Variants in PAXBP1 observed in about 807,000 individuals in gnomAD.
The protein encoded by PAXBP1 is PAX3 and PAX7 binding protein 1, also known as PAX3- and PAX7-binding protein 1.
A neutral mutation model predicts 119.9 loss-of-function variants in PAXBP1; 44 were observed. The observed-to-expected ratio is 0.37, with a 90% CI of 0.29 to 0.47. The LOEUF is 0.47. Among genes scored for constraint, PAXBP1 ranks in the 20% least tolerant of loss-of-function variants. The pLI, the probability that PAXBP1 is intolerant of heterozygous loss-of-function variation, is 0.99. For synonymous variants in PAXBP1, 393 were observed against 406.6 expected, an observed-to-expected ratio of 0.97 and a Z score of 0.40; for missense variants, 898 against 1,134.1, an observed-to-expected ratio of 0.79 and a Z score of 2.99.
At chr21:32,768,064 A>G (rs1480545278) in intron 2 of PAXBP1, among the ~76,000 whole-genome samples, 1 of 152,244 alleles carries the variant, frequency 6.6e-6, no homozygotes, top group African/African-American at 2.4e-5. Flanking sequence ...TGTCCTCTCC[A>G]AAACTCATGT....
intron 2 of PAXBP1, 83 bp from the exon 3 acceptor site, chr21:32,764,607 A>C (rs1601609220): frequency 8.8e-7 from 1 of 1,134,900 alleles, no homozygotes; most frequent in Non-Finnish European, 1.2e-6. Context: ...GACATCATTA[A>C]AAATTTTTTT....
chr21:32,751,052 T>C lies in PAXBP1; in HGVS notation c.1608-20A>G. ...CGAGTCCTAAATAATAAACATCAAG[T>C]TCCCAAACTAGATAACAGAGACTCC... On this transcript the variant is annotated intron_variant, in intron 9 of 17. Transcript: ENST00000331923. 6.2e-7 allele frequency: 1 copy of C among 1,613,242 alleles called. No homozygotes were observed. The highest frequency in any genetic ancestry group is 8.5e-7 in the Non-Finnish European group (1 of 1,179,510).
intron 3 of PAXBP1, among the ~76,000 whole-genome samples, chr21:32,762,543 A>G (rs1036325472): frequency 3.3e-5 from 5 of 152,204 alleles, no homozygotes. Context: ...GGTAATATAT[A>G]TGGGAAAGAG....
chr21:32,761,031 A>G, intron 5 of PAXBP1, 28 bp downstream of exon 5: 1 of 1,551,388 alleles, frequency 6.4e-7, no homozygotes, highest in Non-Finnish European at 8.7e-7. Context: ...ATCTACTTTT[A>G]ATTTTTAGTT....
At position 32,770,092 on chromosome 21, in the gene PAXBP1, G is replaced by A. The variant is rs2044309663; in HGVS notation, c.344-150C>T. 4.9e-6 allele frequency: 3 copies of A among 608,066 alleles called. No homozygotes were observed. In the East Asian group the frequency reaches 1.0e-4, roughly 20 times the overall value. 37.7% of individuals were successfully genotyped at this position (608,066 alleles called of 1,614,324 possible). A position where few individuals can be genotyped will look rare whatever the true frequency, so the allele number is the denominator to read the frequency against. ...GTATAATTATTTCAAGTCTGTCACA[G>A]ACTCAAAAACAGAGGTCAACTTCCT... On this transcript the variant is annotated intron_variant, in intron 1 of 17. Coordinates refer to ENST00000331923, the MANE Select transcript of PAXBP1 (RefSeq NM_016631.4).
At chr21:32,736,715 A>G (rs953426372) in intron 17 of PAXBP1, among the ~76,000 whole-genome samples, 1 of 152,262 alleles carries the variant, frequency 6.6e-6, no homozygotes, top group African/African-American at 2.4e-5. Context: ...ACTTAGTGTT[A>G]TTATTTACTT....
rs892202172 is a variant in PAXBP1, at chr21:32,746,946, G to A, written c.1924-1228C>T. 3.9e-5 allele frequency among the ~76,000 whole-genome samples: 6 copies of A among 152,142 alleles called. No homozygotes were observed. In the East Asian group the frequency reaches 1.2e-3, roughly 29 times the overall value. On this transcript the variant is annotated intron_variant, in intron 11 of 17. Coordinates refer to ENST00000331923, the MANE Select transcript of PAXBP1 (RefSeq NM_016631.4). The stretch of plus-strand genomic sequence containing the variant: ...TCATGTCCTTTGCAGGGACATGGAT[G>A]GAGCTAGAAGCCATTATCCTCAGCA...
At position 32,748,716 on chromosome 21, in the gene PAXBP1, CCA is replaced by C; in HGVS notation, c.1724-20_1724-19del. On this transcript the variant is annotated intron_variant, in intron 10 of 17. Coordinates refer to ENST00000331923, the MANE Select transcript of PAXBP1 (RefSeq NM_016631.4). ...AATTCGATCTAAAAACAACAAAACC[CCA>C]CAGAGAACCATACATTAGTATGAAG... The C allele has an allele frequency of 6.3e-7, 1 of 1,599,408 alleles. No individual in the cohort carries two copies. Among genetic ancestry groups the C allele is most frequent in the South Asian group, 1.1e-5 (1 of 90,282 alleles).
intron 15 of PAXBP1, among the ~76,000 whole-genome samples, chr21:32,739,809 G>C (rs1057051700): frequency 6.6e-6 from 1 of 151,614 alleles, no homozygotes; most frequent in African/African-American, 2.4e-5. Flanking sequence ...GGAAGGCTGA[G>C]CCAGGCAATT....
At chr21:32,736,685 C>T (rs376160658) in intron 17 of PAXBP1, among the ~76,000 whole-genome samples, 3 of 152,196 alleles carry the variant, frequency 2.0e-5, no homozygotes, top group Admixed American at 6.5e-5. Flanking sequence ...TTTAAAAAGA[C>T]AATTCCTTCA....
rs1436894953 is a variant in PAXBP1, at chr21:32,764,435, C to T, written c.562G>A (p.Asp188Asn). The change falls in exon 3 of 18, where the codon GAT (aspartate) becomes AAT (asparagine). Residue 188 changes from aspartate to asparagine, a missense_variant. By Grantham distance (23) the Asp-to-Asn change is conservative. Coordinates refer to ENST00000331923, the MANE Select transcript of PAXBP1 (RefSeq NM_016631.4). ...TCTTCCTCTTTTTCACTTTCCATAT[C>T]CATTTCATCTTCACCATGTTCACTG... ...IISEHGEDEMDMESEKEEEKP... is the reference protein window; with the variant it reads ...IISEHGEDEMNMESEKEEEKP... 3 of 1,613,668 alleles carry T rather than the reference C, an allele frequency of 1.9e-6. No homozygotes were observed. Among genetic ancestry groups the T allele is most frequent in the Non-Finnish European group, 2.5e-6 (3 of 1,179,852 alleles).
intron 14 of PAXBP1, 104 bp downstream of exon 14, chr21:32,743,574 A>T: frequency 1.1e-6 from 1 of 873,788 alleles, no homozygotes; most frequent in Non-Finnish European, 1.8e-6. Flanking sequence ...GTAATACACT[A>T]CATGGGTGAA....
chr21:32,771,706 CA>C lies in PAXBP1; in HGVS notation c.-39del. The C allele has an allele frequency of 7.4e-7, 1 of 1,347,250 alleles. No homozygotes were observed. The highest frequency in any genetic ancestry group is 1.7e-5 in the South Asian group (1 of 58,392). 83.5% of individuals were successfully genotyped at this position (1,347,250 alleles called of 1,614,324 possible). ...CACGGCGGTCGAATACTCGCTTCCA[CA>C]CCGCGGCCCCGGCAGCGCCGAGCTC... On this transcript the variant is annotated 5_prime_UTR_variant, in exon 1 of 18. Coordinates refer to ENST00000331923, the MANE Select transcript of PAXBP1 (RefSeq NM_016631.4).
At chr21:32,770,674 G>T (rs2044324066) in intron 1 of PAXBP1, among the ~76,000 whole-genome samples, 1 of 152,168 alleles carries the variant, frequency 6.6e-6, no homozygotes, top group African/African-American at 2.4e-5. Flanking sequence ...CTGCAGCCTG[G>T]CCTCCCACAG....
intron 8 of PAXBP1, among the ~76,000 whole-genome samples, chr21:32,753,719 T>A (rs947884359): frequency 5.3e-5 from 8 of 152,236 alleles, no homozygotes; most frequent in Non-Finnish European, 8.8e-5. Flanking sequence ...CCTCTAGGAC[T>A]GTATTTTTCA....
Position 32,759,693 on chromosome 21 carries a change from T to C in PAXBP1, c.1193+84A>G, listed in dbSNP as rs190922389. 1,789 of 1,129,810 alleles carry C rather than the reference T, an allele frequency of 1.6e-3. 2 individuals are homozygous for C. Among genetic ancestry groups the C allele is most frequent in the Non-Finnish European group, 1.8e-3 (1,410 of 768,074 alleles). The allele number at this position is 1,129,810 out of a possible 1,614,324, so 70.0% of individuals were successfully genotyped here. A position where few individuals can be genotyped will look rare whatever the true frequency, so the allele number is the denominator to read the frequency against. On this transcript the variant is annotated intron_variant, in intron 6 of 17. Coordinates refer to ENST00000331923, the MANE Select transcript of PAXBP1 (RefSeq NM_016631.4). ...GCCAGTGAATCTTCTTTGCTGATAT[T>C]CTGCATCTGCTACCCCAGACTACAT... is the stretch of plus-strand genomic sequence containing the variant.
chr21:32,769,938 AT>A lies in PAXBP1; in HGVS notation c.347del (p.Asn116MetfsTer7), dbSNP rs1483083088. On this transcript the variant is annotated frameshift_variant, in exon 2 of 18. Coordinates refer to ENST00000331923, the MANE Select transcript of PAXBP1 (RefSeq NM_016631.4). LOFTEE classifies it high-confidence loss of function. ...LLSFQDEEEE[N>X]EEVFKVKKSS... ...ATTTCTTCACTTTGAAAACTTCTTC[AT>A]TTTCTTAAAAAGGAAATTAAATGAA... The A allele has an allele frequency of 6.6e-7, 1 of 1,524,010 alleles. No individual in the cohort carries two copies. The highest frequency in any genetic ancestry group is 8.9e-7 in the Non-Finnish European group (1 of 1,126,376). 94.4% of individuals were successfully genotyped at this position (1,524,010 alleles called of 1,614,324 possible). A position where few individuals can be genotyped will look rare whatever the true frequency, so the allele number is the denominator to read the frequency against.
At chr21:32,736,830 T>C (rs534941163) in intron 17 of PAXBP1, among the ~76,000 whole-genome samples, 2 of 152,206 alleles carry the variant, frequency 1.3e-5, no homozygotes, top group East Asian at 3.9e-4. Context: ...TTGATAAAAA[T>C]TAGAAATAAG....
At position 32,738,256 on chromosome 21, in the gene PAXBP1, T is replaced by C. The variant is rs757322910; in HGVS notation, c.2398A>G (p.Ile800Val). The C allele has an allele frequency of 4.4e-6, 7 of 1,604,754 alleles. No individual in the cohort carries two copies. In the African/African-American group the frequency reaches 5.4e-5, roughly 12 times the overall value. Residue 800 changes from isoleucine to valine, a missense_variant, in exon 16 of 18, where the codon ATA becomes GTA. By Grantham distance (29) the Ile-to-Val change is conservative. This residue lies in a region of PAXBP1 where 599 missense variants were observed against 852.7 expected (regional missense o/e 0.70). Coordinates refer to ENST00000331923, the MANE Select transcript of PAXBP1 (RefSeq NM_016631.4). ...ATATATCGATTTAATAAACCATCTA[T>C]TGATAACTCTTGCAGAGTTTTATTT... ...FSNKTLQELSIDGLLNRYILM... is the reference protein window; with the variant it reads ...FSNKTLQELSVDGLLNRYILM...
Sources: gnomAD v4.1 joint callset for allele counts (sites outside exome capture counted in the v4.1 genomes callset) on GRCh38, gnomAD v4.1.1 for gene constraint, gnomAD v4.1.1 regional missense constraint, MANE v1.5 for transcripts, NCBI Gene and HGNC (gene_info 2026-07-23, HGNC 2026-07-21) for gene names.